The following PARD3 variants were observed in gnomAD, a reference collection of about 807,000 sequenced individuals.
PARD3 encodes par-3 family cell polarity regulator.
A neutral mutation model predicts 155.4 loss-of-function variants in PARD3; 75 were observed. The observed-to-expected ratio is 0.48, with a 90% confidence interval of 0.40 to 0.58. The LOEUF (loss-of-function observed/expected upper bound fraction) is 0.58. Among genes scored for constraint, PARD3 ranks in the 20% least tolerant of loss-of-function variants. PARD3 has a pLI of 0.00. For missense variants in PARD3, 1,642 were observed against 1,721.7 expected, an observed-to-expected ratio of 0.95 and a Z score of 0.82; for synonymous variants, 576 against 610.5, an observed-to-expected ratio of 0.94 and a Z score of 0.83.
At chr10:34,388,896 T>A (rs1046378953) in intron 7 of PARD3, among the ~76,000 whole-genome samples, 2 of 152,132 alleles carry the variant, frequency 1.3e-5, no homozygotes, top group African/African-American at 4.8e-5. Context: ...ACAAAAGACA[T>A]AAGAGAAAAG....
intron 22 of PARD3, among the ~76,000 whole-genome samples, chr10:34,146,907 C>A (rs950552478): frequency 6.6e-6 from 1 of 152,110 alleles, no homozygotes; most frequent in Non-Finnish European, 1.5e-5. Context: ...GCGTGCAAAT[C>A]GATACAAGTA....
chr10:34,776,939 C>T (rs939603211), intron 1 of PARD3, among the ~76,000 whole-genome samples: 1 of 150,482 alleles, frequency 6.6e-6, no homozygotes, highest in Non-Finnish European at 1.5e-5. Flanking sequence ...CAAGTTCAAG[C>T]GATTCTCCTG....
chr10:34,205,172 CTT>C (rs149521563), intron 22 of PARD3, among the ~76,000 whole-genome samples: 4 of 152,226 alleles, frequency 2.6e-5, no homozygotes, highest in African/African-American at 9.6e-5. Context: ...GAAAAAAAAT[CTT>C]TGATTTTGTA....
intron 1 of PARD3, among the ~76,000 whole-genome samples, chr10:34,699,588 G>C (rs896870095): frequency 1.3e-5 from 2 of 152,194 alleles, no homozygotes; most frequent in African/African-American, 4.8e-5. Flanking sequence ...CTTTGTAGTA[G>C]TTTGCATTAA....
intron 21 of PARD3, among the ~76,000 whole-genome samples, chr10:34,280,576 C>G (rs1956109470): frequency 6.6e-6 from 1 of 152,180 alleles, no homozygotes; most frequent in Non-Finnish European, 1.5e-5. Context: ...GTCCACAAAA[C>G]AGAAGCCAGA....
intron 2 of PARD3, among the ~76,000 whole-genome samples, chr10:34,623,843 T>C (rs1461744444): frequency 2.0e-5 from 3 of 149,936 alleles, no homozygotes; most frequent in Non-Finnish European, 4.5e-5. Flanking sequence ...TAGCCAAGCA[T>C]GGTGGCGCGC....
At chr10:34,401,589 T>A (rs1843888183) in intron 6 of PARD3, among the ~76,000 whole-genome samples, 1 of 152,172 alleles carries the variant, frequency 6.6e-6, no homozygotes, top group African/African-American at 2.4e-5. Context: ...TATAATTCAA[T>A]AGTATTTGCC....
chr10:34,358,320 C>CAA (rs1839100133), intron 14 of PARD3, among the ~76,000 whole-genome samples: 1 of 152,116 alleles, frequency 6.6e-6, no homozygotes. Context: ...TCCTACCTTT[C>CAA]AAGAGAGGAT....
At chr10:34,376,127 C>T (rs1415114436) in intron 10 of PARD3, among the ~76,000 whole-genome samples, 1 of 152,062 alleles carries the variant, frequency 6.6e-6, no homozygotes, top group Non-Finnish European at 1.5e-5. Context: ...TCTAGACACT[C>T]AGAGAAAATG....
At chr10:34,650,831 G>T (rs1343484074) in intron 2 of PARD3, among the ~76,000 whole-genome samples, 1 of 151,978 alleles carries the variant, frequency 6.6e-6, no homozygotes, top group East Asian at 1.9e-4. Flanking sequence ...GACCAACATG[G>T]AGAAATCTCG....
At chr10:34,254,002 G>GAC (rs768410645) in intron 22 of PARD3, among the ~76,000 whole-genome samples, 1 of 152,126 alleles carries the variant, frequency 6.6e-6, no homozygotes, top group Non-Finnish European at 1.5e-5. Flanking sequence ...CTCCAGTGAT[G>GAC]GGTGCACTGA....
intron 2 of PARD3, among the ~76,000 whole-genome samples, chr10:34,591,347 G>A (rs2088658155): frequency 6.6e-6 from 1 of 152,084 alleles, no homozygotes; most frequent in Admixed American, 6.6e-5. Flanking sequence ...ACATTTAAGT[G>A]GGGCTGGGTA....
intron 2 of PARD3, among the ~76,000 whole-genome samples, chr10:34,648,162 T>C (rs182506176): frequency 6.6e-6 from 1 of 152,330 alleles, no homozygotes; most frequent in East Asian, 1.9e-4. Context: ...CGTCTTAAAA[T>C]GCATATGTGA....
chr10:34,303,054 T>C (rs1957226038), intron 20 of PARD3, among the ~76,000 whole-genome samples: 1 of 112,628 alleles, frequency 8.9e-6, no homozygotes, highest in African/African-American at 4.3e-5. Context: ...TCACACCTGC[T>C]CCAAAACCAA....
chr10:34,225,332 G>A (rs562494079), intron 22 of PARD3, among the ~76,000 whole-genome samples: 1 of 151,218 alleles, frequency 6.6e-6, no homozygotes, highest in East Asian at 1.9e-4. Context: ...CAGGCAGACT[G>A]GACTAGTTTT....
At chr10:34,781,060 T>C (rs1033830126) in intron 1 of PARD3, among the ~76,000 whole-genome samples, 1 of 152,214 alleles carries the variant, frequency 6.6e-6, no homozygotes, top group Non-Finnish European at 1.5e-5. Flanking sequence ...CCCACGCTTC[T>C]CAGCTCAGGC....
At chr10:34,674,451 T>C (rs2093665351) in intron 2 of PARD3, among the ~76,000 whole-genome samples, 1 of 151,518 alleles carries the variant, frequency 6.6e-6, no homozygotes, top group Admixed American at 6.6e-5. Context: ...AATACAGCTG[T>C]TTTCTTCTAC....
chr10:34,372,337 G>A (rs557873744), intron 12 of PARD3, among the ~76,000 whole-genome samples, 161 bp downstream of exon 12: 32 of 152,180 alleles, frequency 2.1e-4, no homozygotes, highest in Admixed American at 2.0e-3. Flanking sequence ...GTAACAGTAA[G>A]TCACCTTAAA....
chr10:34,297,392 A>G (rs1177507873), intron 20 of PARD3, among the ~76,000 whole-genome samples: 1 of 152,250 alleles, frequency 6.6e-6, no homozygotes, highest in Non-Finnish European at 1.5e-5. Context: ...GCACTATTAA[A>G]TTATAATAAA....
Sources: allele counts gnomAD v4.1 joint callset (sites outside exome capture counted in the v4.1 genomes callset), GRCh38; gene constraint gnomAD v4.1.1; transcripts MANE v1.5; gene names NCBI Gene and HGNC (gene_info 2026-07-23, HGNC 2026-07-21).